LRRC38: variants seen among roughly 807,000 people sequenced by gnomAD.
LRRC38 encodes the protein leucine rich repeat containing 38.
Under a neutral mutation model 16.4 loss-of-function variants are expected in LRRC38, and 5 were observed. The observed-to-expected ratio is 0.31, with a 90% CI of 0.16 to 0.64. The LOEUF is 0.64. Among genes scored for constraint, LRRC38 ranks in the 30% least tolerant of loss-of-function variants. LRRC38 has a pLI of 0.80. For synonymous variants in LRRC38, 191 were observed against 190.2 expected (o/e 1.00, Z -0.04); for missense variants, 341 against 401.8 (o/e 0.85, Z 1.29).
intron 1 of LRRC38, among the ~76,000 whole-genome samples, chr1:13,492,729 A>T (rs1639029497): frequency 6.6e-6 from 1 of 152,172 alleles, no homozygotes; most frequent in East Asian, 1.9e-4. Flanking sequence ...GGACTTTTTG[A>T]AAACATACCA....
At chr1:13,479,902 A>G (rs1017253564) in intron 1 of LRRC38, among the ~76,000 whole-genome samples, 1 of 152,176 alleles carries the variant, frequency 6.6e-6, no homozygotes, top group Non-Finnish European at 1.5e-5. Flanking sequence ...TGTTTAAACC[A>G]GGGTTTCTCA....
In LRRC38 at chr1:13,487,276, C is replaced by T. The variant is rs578093803; in HGVS notation, c.632-11177G>A. 1.8e-4 allele frequency among the ~76,000 whole-genome samples: 28 copies of T among 152,348 alleles called. No homozygotes were observed. In the South Asian group the frequency reaches 5.8e-3, roughly 32 times the overall value. ...AGAACGAATTGGGCTCCTGTCCTAACTGTCAGCCTTTGTCCCACAGCCACA... is the reference window on the plus strand; with the variant it reads ...AGAACGAATTGGGCTCCTGTCCTAATTGTCAGCCTTTGTCCCACAGCCACA... On this transcript the variant is annotated intron_variant, in intron 1 of 1. Coordinates refer to ENST00000376085, the MANE Select transcript of LRRC38 (RefSeq NM_001010847.2). This position sits in a 1 kb window ranked among gnomAD's most constrained non-coding sequence, Gnocchi z 4.4.
intron 1 of LRRC38, among the ~76,000 whole-genome samples, chr1:13,488,428 T>C (rs1638966529): frequency 6.6e-6 from 1 of 152,102 alleles, no homozygotes; most frequent in South Asian, 2.1e-4. Flanking sequence ...CTTGCCACCA[T>C]GCCTGGCTAA....
rs1030833985 is a variant in LRRC38, at chr1:13,487,397, C to A, written c.632-11298G>T. The stretch of plus-strand genomic sequence containing the variant: ...GGGAGTGATGCAGCTCACCTCCCCA[C>A]AATAGGCAGGCTCAACTGGTGGGAA... On this transcript the variant is annotated intron_variant, in intron 1 of 1. Coordinates refer to ENST00000376085, the MANE Select transcript of LRRC38 (RefSeq NM_001010847.2). The surrounding 1 kb of genome is among the most constrained non-coding windows in gnomAD (Gnocchi z 4.4). Among the ~76,000 whole-genome samples the A allele has an allele frequency of 6.6e-6, 1 of 152,180 alleles. No homozygotes were observed. The highest frequency in any genetic ancestry group is 2.4e-5 in the African/African-American group (1 of 41,446).
intron 1 of LRRC38, among the ~76,000 whole-genome samples, chr1:13,490,008 T>C (rs7543715): frequency 0.085 from 12,989 of 152,134 alleles, 1,885 homozygotes; most frequent in African/African-American, 0.3. Flanking sequence ...GAATCCCACA[T>C]GCTAGCCTGA....
chr1:13,484,621 T>G (rs114723614), intron 1 of LRRC38, among the ~76,000 whole-genome samples: 1 of 152,176 alleles, frequency 6.6e-6, no homozygotes, highest in Non-Finnish European at 1.5e-5. Flanking sequence ...AGCAGGTAAC[T>G]TGCAACTCTC....
intron 1 of LRRC38, among the ~76,000 whole-genome samples, chr1:13,477,022 T>C (rs1455149237): frequency 1.3e-5 from 2 of 152,120 alleles, no homozygotes; most frequent in Non-Finnish European, 1.5e-5. Flanking sequence ...CAAGAATCAC[T>C]TGAACCCAGG....
intron 1 of LRRC38, among the ~76,000 whole-genome samples, chr1:13,491,779 G>T (rs1383167309): frequency 6.6e-6 from 1 of 152,076 alleles, no homozygotes; most frequent in Non-Finnish European, 1.5e-5. Context: ...AGGTTCAAGT[G>T]ATTCTCCTGC....
intron 1 of LRRC38, among the ~76,000 whole-genome samples, chr1:13,489,194 T>C (rs1042977040): frequency 1.3e-5 from 2 of 152,174 alleles, no homozygotes; most frequent in Non-Finnish European, 2.9e-5. Flanking sequence ...CCTCTGCTCC[T>C]GGCAAGAGCT....
At chr1:13,512,728 G>A (rs1297523343) in intron 1 of LRRC38, among the ~76,000 whole-genome samples, 1 of 152,192 alleles carries the variant, frequency 6.6e-6, no homozygotes, top group African/African-American at 2.4e-5. Context: ...ACTTGGTAAA[G>A]TGAGTTACTG....
intron 1 of LRRC38, among the ~76,000 whole-genome samples, chr1:13,481,788 CCTCT>C (rs1198744392): frequency 0.016 from 544 of 34,392 alleles, 7 homozygotes; most frequent in South Asian, 0.019. Flanking sequence ...TCCCTCTCTC[CCTCT>C]CTCTCTCTCT....
At chr1:13,493,755 G>A (rs950338948) in intron 1 of LRRC38, among the ~76,000 whole-genome samples, 3 of 152,152 alleles carry the variant, frequency 2.0e-5, no homozygotes, top group African/African-American at 4.8e-5. Context: ...CACAGATGTC[G>A]TGATTTTAGC....
intron 1 of LRRC38, among the ~76,000 whole-genome samples, chr1:13,479,002 C>A (rs1638820571): frequency 6.6e-6 from 1 of 152,134 alleles, no homozygotes; most frequent in Admixed American, 6.6e-5. Flanking sequence ...CTGCAGGCCT[C>A]CCCAATTTAT....
intron 1 of LRRC38, among the ~76,000 whole-genome samples, chr1:13,504,315 C>A (rs1446204342): frequency 1.3e-5 from 2 of 152,130 alleles, no homozygotes; most frequent in African/African-American, 4.8e-5. Context: ...GTCATGGATG[C>A]CGGGGGTGGC....
At chr1:13,501,116 T>G (rs1470852439) in intron 1 of LRRC38, among the ~76,000 whole-genome samples, 6 of 152,240 alleles carry the variant, frequency 3.9e-5, no homozygotes, top group Non-Finnish European at 1.5e-5. Flanking sequence ...TCATATTGGT[T>G]TATGCAATAT....
At chr1:13,492,758 CTA>C (rs1639030226) in intron 1 of LRRC38, among the ~76,000 whole-genome samples, 1 of 152,194 alleles carries the variant, frequency 6.6e-6, no homozygotes, top group Admixed American at 6.5e-5. Flanking sequence ...CCCTGACACT[CTA>C]TGAATTCTTC....
intron 1 of LRRC38, among the ~76,000 whole-genome samples, chr1:13,482,457 C>A (rs1359847166): frequency 1.3e-5 from 2 of 151,868 alleles, no homozygotes; most frequent in African/African-American, 2.4e-5. Flanking sequence ...GCGCACGCCT[C>A]TACTCCCAGC....
Position 13,513,602 on chromosome 1 carries a change from G to C in LRRC38, c.-9C>G. On this transcript the variant is annotated 5_prime_UTR_variant, in exon 1 of 2. Transcript: ENST00000376085. Reference sequence around the variant, plus strand: ...GGGGCTCGGGGGCGCATGGCCGGGGGGCCCGCGCCGGCCGCGGCGAGAAGG... The same window carrying C: ...GGGGCTCGGGGGCGCATGGCCGGGGCGCCCGCGCCGGCCGCGGCGAGAAGG... The C allele has an allele frequency of 6.5e-6, 7 of 1,085,138 alleles. No individual in the cohort carries two copies. The highest frequency in any genetic ancestry group is 1.7e-5 in the African/African-American group (1 of 59,494). The allele number at this position is 1,085,138 out of a possible 1,614,324, so 67.2% of individuals were successfully genotyped here.
intron 1 of LRRC38, among the ~76,000 whole-genome samples, chr1:13,505,061 C>T (rs2100520393): frequency 6.6e-6 from 1 of 152,274 alleles, no homozygotes; most frequent in Admixed American, 6.5e-5. Context: ...TATTTGCTTA[C>T]TCCAGATGAC....
Sources: gnomAD v4.1 joint callset for allele counts (sites outside exome capture counted in the v4.1 genomes callset) on GRCh38, gnomAD v4.1.1 for gene constraint, Gnocchi (gnomAD v3.1) non-coding constraint, MANE v1.5 for transcripts, NCBI Gene and HGNC (gene_info 2026-07-23, HGNC 2026-07-21) for gene names.